The following NFASC variants were observed in gnomAD, a reference collection of about 807,000 sequenced individuals.
NFASC encodes neurofascin homolog.
Under a neutral mutation model 147.5 loss-of-function variants are expected in NFASC, and 43 were observed. The observed-to-expected ratio is 0.29, with a 90% CI of 0.23 to 0.38. The LOEUF is 0.38. NFASC is among the 10% of genes least tolerant of loss of function. The probability of loss-of-function intolerance (pLI) is 1.00; values close to 1 mark genes in which losing one functional copy is unlikely to be tolerated. For missense variants in NFASC, 1,320 were observed against 1,689.0 expected (o/e 0.78, Z 3.83); for synonymous variants, 622 against 665.5 (o/e 0.93, Z 1.01).
Position 204,968,780 on chromosome 1 carries a change from G to A in NFASC, c.819-18G>A. The A allele has an allele frequency of 2.5e-6, 4 of 1,605,662 alleles. No homozygotes were observed. Among genetic ancestry groups the A allele is most frequent in the Non-Finnish European group, 3.4e-6 (4 of 1,175,492 alleles). On this transcript the variant is annotated intron_variant, in intron 9 of 29. Transcript: ENST00000339876. The surrounding 1 kb of genome is among the most constrained non-coding windows in gnomAD (Gnocchi z 5.4). ...CACGTTTAGTGATAACTTGTTTCCT[G>A]CTTGGCGCCTCTCCTAGCCCAACAC...
intron 27 of NFASC, among the ~76,000 whole-genome samples, chr1:205,003,170 T>C (rs372367192): frequency 2.6e-5 from 4 of 152,278 alleles, no homozygotes; most frequent in African/African-American, 7.2e-5. Context: ...GCGCAGGGCC[T>C]TGATCTAGAA....
chr1:204,918,771 A>T (rs922880083), intron 1 of NFASC, among the ~76,000 whole-genome samples: 1 of 151,650 alleles, frequency 6.6e-6, no homozygotes, highest in Non-Finnish European at 1.5e-5. Flanking sequence ...TTTTTAGTAG[A>T]GACAGGGTTT....
chr1:204,838,923 G>A (rs573699994), intron 1 of NFASC, among the ~76,000 whole-genome samples: 24 of 152,338 alleles, frequency 1.6e-4, no homozygotes, highest in Middle Eastern at 3.4e-3. Context: ...CAAGCAAGAG[G>A]TAAGTAATAA....
intron 1 of NFASC, among the ~76,000 whole-genome samples, chr1:204,896,048 C>T (rs1283614511): frequency 6.6e-6 from 1 of 152,162 alleles, no homozygotes; most frequent in African/African-American, 2.4e-5. Flanking sequence ...TTCTGAGCTG[C>T]GAACAGCTTT....
At chr1:204,956,525 G>A (rs2094439811) in intron 7 of NFASC, among the ~76,000 whole-genome samples, 1 of 152,166 alleles carries the variant, frequency 6.6e-6, no homozygotes. Context: ...AATGCACTGG[G>A]TTCTTTTTTG....
At chr1:204,870,706 T>G in intron 1 of NFASC, 6 of 1,069,732 alleles carry the variant, frequency 5.6e-6, no homozygotes, top group Middle Eastern at 4.5e-4. Flanking sequence ...GAGGGGTGAG[T>G]GGTTATTAAT....
chr1:204,924,424 G>A (rs1408753187), intron 2 of NFASC, among the ~76,000 whole-genome samples: 1 of 152,230 alleles, frequency 6.6e-6, no homozygotes. Context: ...TGAAATATCA[G>A]CAGCTAAACC....
intron 12 of NFASC, among the ~76,000 whole-genome samples, chr1:204,973,844 T>C (rs2095329659): frequency 6.6e-6 from 1 of 152,154 alleles, no homozygotes; most frequent in African/African-American, 2.4e-5. Flanking sequence ...GTATATTTGC[T>C]GTACCCGCTG....
chr1:204,939,040 G>GTA (rs372199996), intron 2 of NFASC, among the ~76,000 whole-genome samples: 3,496 of 115,610 alleles, frequency 0.03, 126 homozygotes, highest in African/African-American at 0.096. Context: ...ATGGATGGAT[G>GTA]TGTGTGTGTG....
intron 24 of NFASC, among the ~76,000 whole-genome samples, chr1:204,993,168 T>C (rs1049906345): frequency 5.3e-5 from 8 of 152,170 alleles, no homozygotes; most frequent in Non-Finnish European, 1.2e-4. Flanking sequence ...TCTCCAAACC[T>C]GGGCACTATT....
At chr1:204,997,109 T>C in intron 24 of NFASC, 61 bp from the exon 25 acceptor site, 1 of 1,563,128 alleles carries the variant, frequency 6.4e-7, no homozygotes. Flanking sequence ...GCGGGGGCCG[T>C]GTGTCCAGGC....
At chr1:204,881,157 A>C (rs927829303) in intron 1 of NFASC, among the ~76,000 whole-genome samples, 1 of 152,174 alleles carries the variant, frequency 6.6e-6, no homozygotes, top group African/African-American at 2.4e-5. Flanking sequence ...GTGCCTCAGC[A>C]TGGCAGGCAG....
intron 27 of NFASC, 124 bp from the exon 28 acceptor site, chr1:205,009,433 G>A (rs773286685): frequency 9.7e-7 from 1 of 1,031,406 alleles, no homozygotes; most frequent in Non-Finnish European, 1.5e-6. Flanking sequence ...GGGCTGCTAG[G>A]TGGTAGTGTT....
chr1:205,016,612 A>G lies in NFASC; in HGVS notation c.*73A>G, dbSNP rs554204947. 27 of 1,074,188 alleles carry G rather than the reference A, an allele frequency of 2.5e-5. No homozygotes were observed. The highest frequency in any genetic ancestry group is 3.7e-5 in the Non-Finnish European group (26 of 700,342). 66.5% of individuals were successfully genotyped at this position (1,074,188 alleles called of 1,614,324 possible). ...AGAAGGGGAGACAAAACCACTGCAG[A>G]CCTACCACGAAGCCACCACCACCTT... On this transcript the variant is annotated 3_prime_UTR_variant, in exon 30 of 30. Transcript: ENST00000339876. The surrounding 1 kb of genome is among the most constrained non-coding windows in gnomAD (Gnocchi z 5.1).
chr1:204,856,435 G>A (rs555307492), intron 1 of NFASC, among the ~76,000 whole-genome samples: 33 of 150,012 alleles, frequency 2.2e-4, no homozygotes, highest in African/African-American at 7.1e-4. Flanking sequence ...GTGAAGAAAC[G>A]TCTGCCAAAC....
At chr1:204,903,678 A>G (rs1252311477) in intron 1 of NFASC, among the ~76,000 whole-genome samples, 2 of 152,234 alleles carry the variant, frequency 1.3e-5, no homozygotes, top group Non-Finnish European at 2.9e-5. Flanking sequence ...GATGTTTCAT[A>G]AATCAGAACA....
At chr1:204,911,846 T>A (rs1181281635) in intron 1 of NFASC, among the ~76,000 whole-genome samples, 2 of 152,148 alleles carry the variant, frequency 1.3e-5, no homozygotes, top group Non-Finnish European at 2.9e-5. Flanking sequence ...TATTGGGAAA[T>A]GTGGCAGTTT....
chr1:204,937,177 A>G (rs746065219), intron 2 of NFASC, among the ~76,000 whole-genome samples: 11 of 151,934 alleles, frequency 7.2e-5, no homozygotes, highest in African/African-American at 1.2e-4. Flanking sequence ...CTTCTAGAGC[A>G]GTTTTAGGTT....
chr1:204,967,579 G>A (rs563718567), intron 8 of NFASC, among the ~76,000 whole-genome samples: 19 of 150,948 alleles, frequency 1.3e-4, no homozygotes, highest in Admixed American at 1.1e-3. Context: ...CCCTCCCCGA[G>A]CAGCTCACAT....
Sources: allele counts gnomAD v4.1 joint callset (sites outside exome capture counted in the v4.1 genomes callset), GRCh38; gene constraint gnomAD v4.1.1; non-coding constraint Gnocchi (gnomAD v3.1); transcripts MANE v1.5; gene names NCBI Gene and HGNC (gene_info 2026-07-23, HGNC 2026-07-21).